SOBP: variants seen among roughly 807,000 people sequenced by gnomAD.
SOBP encodes sine oculis binding protein homolog, also known as sine oculis-binding protein homolog.
In SOBP, 4 loss-of-function variants were observed where a neutral mutation model predicts 53.6. The ratio of observed to expected loss-of-function variants is 0.07; its 90% CI spans 0.04 to 0.17. The LOEUF is 0.17. Among genes scored for constraint, SOBP ranks in the 10% least tolerant of loss-of-function variants. SOBP has a pLI of 1.00. For missense variants in SOBP, 1,088 were observed against 1,204.7 expected, an observed-to-expected ratio of 0.90 and a Z score of 1.43; for synonymous variants, 584 against 522.6, an observed-to-expected ratio of 1.12 and a Z score of -1.60.
chr6:107,493,495 T>G (rs1421452406), intron 1 of SOBP, among the ~76,000 whole-genome samples: 1 of 152,126 alleles, frequency 6.6e-6, no homozygotes, highest in Admixed American at 6.5e-5. Flanking sequence ...GAGGCCCCCC[T>G]TAGGGAGATT....
At chr6:107,504,918 A>G (rs1328269808) in intron 2 of SOBP, among the ~76,000 whole-genome samples, 2 of 152,230 alleles carry the variant, frequency 1.3e-5, no homozygotes, top group African/African-American at 2.4e-5. Context: ...TACTTGGCCT[A>G]GGTAATAATC....
intron 6 of SOBP, among the ~76,000 whole-genome samples, chr6:107,646,594 G>A (rs1249733974): frequency 6.6e-6 from 1 of 152,228 alleles, no homozygotes; most frequent in East Asian, 1.9e-4. Context: ...GAAAGGCTCA[G>A]GGGGCTTGCT....
intron 4 of SOBP, chr6:107,558,036 C>T (rs993525565): frequency 2.0e-5 from 3 of 152,092 alleles, no homozygotes; most frequent in Admixed American, 1.3e-4. Flanking sequence ...TTAATCCTGA[C>T]ATGCTTCTGA....
intron 5 of SOBP, among the ~76,000 whole-genome samples, chr6:107,620,637 C>G (rs891268385): frequency 3.9e-5 from 6 of 152,154 alleles, no homozygotes; most frequent in Non-Finnish European, 8.8e-5. Context: ...CTGTTCCTGC[C>G]CACTTTTGGA....
intron 6 of SOBP, among the ~76,000 whole-genome samples, chr6:107,649,188 A>C (rs1379858084): frequency 6.7e-6 from 1 of 148,732 alleles, no homozygotes; most frequent in Admixed American, 6.7e-5. Context: ...AAAAAAAAAA[A>C]AACCATCAGG....
chr6:107,529,764 C>CACTAT (rs2114982484), intron 3 of SOBP, among the ~76,000 whole-genome samples: 1 of 152,228 alleles, frequency 6.6e-6, no homozygotes, highest in South Asian at 2.1e-4. Context: ...TACTTCTCTG[C>CACTAT]ACTATAATAA....
At chr6:107,501,843 C>G (rs1782849894) in intron 1 of SOBP, among the ~76,000 whole-genome samples, 1 of 152,124 alleles carries the variant, frequency 6.6e-6, no homozygotes, top group Non-Finnish European at 1.5e-5. Flanking sequence ...TCATATTGAT[C>G]ATATCTTTGT....
rs1238549740 is a variant in SOBP at position 107,660,360 on chromosome 6, C to A, written c.*2157C>A. The stretch of plus-strand genomic sequence containing the variant: ...TCTGCAGACAAGAGCCCACTCCGTC[C>A]GTTCCAGGGCCTGCTTCCTAACCAT... On this transcript the variant is annotated 3_prime_UTR_variant, in exon 7 of 7. Coordinates refer to ENST00000317357, the MANE Select transcript of SOBP (RefSeq NM_018013.4). 6.6e-6 allele frequency among the ~76,000 whole-genome samples: 1 copy of A among 152,196 alleles called. No homozygotes were observed. The highest frequency in any genetic ancestry group is 2.4e-5 in the African/African-American group (1 of 41,454).
intron 1 of SOBP, among the ~76,000 whole-genome samples, chr6:107,502,967 C>T (rs1583147290): frequency 6.6e-6 from 1 of 152,094 alleles, no homozygotes; most frequent in Non-Finnish European, 1.5e-5. Context: ...CACCATGTTG[C>T]CCAGGCTGGT....
At chr6:107,577,518 C>T (rs1158054077) in intron 4 of SOBP, among the ~76,000 whole-genome samples, 1 of 152,220 alleles carries the variant, frequency 6.6e-6, no homozygotes, top group African/African-American at 2.4e-5. Context: ...TGACCAAAGT[C>T]ACAATCTGCA....
intron 3 of SOBP, among the ~76,000 whole-genome samples, chr6:107,509,320 G>A (rs1218811694): frequency 6.6e-6 from 1 of 151,804 alleles, no homozygotes; most frequent in Non-Finnish European, 1.5e-5. Flanking sequence ...CTTGAACCTG[G>A]GAGGTGGAGG....
In SOBP at chr6:107,635,302, A is replaced by ATGCTGCCCAAGACCGGC. The variant is rs762197190; in HGVS notation, c.2462_2478dup (p.Val827CysfsTer7). On this transcript the variant is annotated frameshift_variant, in exon 6 of 7. Transcript: ENST00000317357. LOFTEE classifies it high-confidence loss of function. This position sits in a 1 kb window ranked among gnomAD's most constrained non-coding sequence, Gnocchi z 4.5. The stretch of plus-strand genomic sequence containing the variant: ...CGAGGACCATGCCTATGCTCTGCGG[A>ATGCTGCCCAAGACCGGC]TGCTGCCCAAGACCGGCTGCGTGAT... The ATGCTGCCCAAGACCGGC allele has an allele frequency of 9.3e-6, 15 of 1,613,830 alleles. No individual in the cohort carries two copies. Among genetic ancestry groups the ATGCTGCCCAAGACCGGC allele is most frequent in the East Asian group, 2.2e-5 (1 of 44,846 alleles).
At chr6:107,646,209 G>A (rs947459649) in intron 6 of SOBP, among the ~76,000 whole-genome samples, 4 of 152,238 alleles carry the variant, frequency 2.6e-5, no homozygotes, top group Admixed American at 6.5e-5. Flanking sequence ...AGGGACATGC[G>A]CTGCCAGATC....
At chr6:107,609,735 A>G (rs1248536948) in intron 5 of SOBP, among the ~76,000 whole-genome samples, 1 of 151,986 alleles carries the variant, frequency 6.6e-6, no homozygotes, top group Non-Finnish European at 1.5e-5. Context: ...GGAAGAGGAG[A>G]GAGGTTCCAG....
chr6:107,656,844 A>G (rs1257405965), intron 6 of SOBP, among the ~76,000 whole-genome samples: 1 of 152,198 alleles, frequency 6.6e-6, no homozygotes, highest in Non-Finnish European at 1.5e-5. Context: ...CCTACATTCT[A>G]TCACCTCTCT....
At chr6:107,623,779 C>G (rs569328027) in intron 5 of SOBP, among the ~76,000 whole-genome samples, 1 of 152,182 alleles carries the variant, frequency 6.6e-6, no homozygotes, top group East Asian at 1.9e-4. Context: ...AGTTGATGAG[C>G]CCTTAGAAGA....
At chr6:107,614,965 T>C (rs1392602002) in intron 5 of SOBP, among the ~76,000 whole-genome samples, 1 of 152,238 alleles carries the variant, frequency 6.6e-6, no homozygotes, top group African/African-American at 2.4e-5. Flanking sequence ...AGTGGGAACA[T>C]CATTTTGAAT....
Position 107,634,641 on chromosome 6 carries a change from C to T in SOBP, c.1797C>T (p.Pro599=), listed in dbSNP as rs774760681. 7.6e-6 allele frequency: 12 copies of T among 1,572,296 alleles called. No individual in the cohort carries two copies. Among genetic ancestry groups the T allele is most frequent in the Admixed American group, 3.5e-5 (2 of 57,060 alleles). Residue 599 remains proline, a synonymous_variant, in exon 6 of 7, where the codon CCC becomes CCT. Coordinates refer to ENST00000317357, the MANE Select transcript of SOBP (RefSeq NM_018013.4). This position sits in a 1 kb window ranked among gnomAD's most constrained non-coding sequence, Gnocchi z 4.5. ...CGTCCAAGTCCGCGGACTCGCCCCCCGGCTGCTCGGGCCAGGCCCTGAGCC... is the reference window on the plus strand; with the variant it reads ...CGTCCAAGTCCGCGGACTCGCCCCCTGGCTGCTCGGGCCAGGCCCTGAGCC... The part of the protein sequence containing the change: ...QGSSKSADSP[P]GCSGQALSLA...
Position 107,635,524 on chromosome 6 carries a change from TCTGACAAGGCAGAG to T in SOBP, c.*3+56_*3+69del. On this transcript the variant is annotated intron_variant, in intron 6 of 6. Coordinates refer to ENST00000317357, the MANE Select transcript of SOBP (RefSeq NM_018013.4). The surrounding 1 kb of genome is among the most constrained non-coding windows in gnomAD (Gnocchi z 4.5). ...ACCAGCCAGTGCACCTCTCCTTACTTCTGACAAGGCAGAGGGGAGAGTTGTAATTATAGTCATGA... is the reference window on the plus strand; with the variant it reads ...ACCAGCCAGTGCACCTCTCCTTACTTGGGAGAGTTGTAATTATAGTCATGA... 1 of 1,602,630 alleles carries T rather than the reference TCTGACAAGGCAGAG, an allele frequency of 6.2e-7. No homozygotes were observed. The highest frequency in any genetic ancestry group is 8.5e-7 in the Non-Finnish European group (1 of 1,174,888).
Sources: allele counts gnomAD v4.1 joint callset (sites outside exome capture counted in the v4.1 genomes callset), GRCh38; gene constraint gnomAD v4.1.1; non-coding constraint Gnocchi (gnomAD v3.1); transcripts MANE v1.5; gene names NCBI Gene and HGNC (gene_info 2026-07-23, HGNC 2026-07-21).